PNPLA3: variants seen among roughly 807,000 people sequenced by gnomAD.
PNPLA3 encodes the protein patatin like domain 3, 1-acylglycerol-3-phosphate O-acyltransferase.
Under a neutral mutation model 43.1 loss-of-function variants are expected in PNPLA3, and 42 were observed. The ratio of observed to expected loss-of-function variants is 0.97; its 90% CI spans 0.76 to 1.26. The LOEUF (loss-of-function observed/expected upper bound fraction) is 1.26. Ranked by LOEUF, PNPLA3 falls within the 50% of genes most tolerant of loss-of-function variation. PNPLA3 has a pLI of 0.00. For missense variants in PNPLA3, 647 were observed against 621.4 expected, an observed-to-expected ratio of 1.04 and a Z score of -0.44; for synonymous variants, 272 against 253.6, an observed-to-expected ratio of 1.07 and a Z score of -0.69.
intron 1 of PNPLA3, 106 bp downstream of exon 1, chr22:43,924,204 G>A: frequency 1.6e-6 from 2 of 1,260,366 alleles, no homozygotes; most frequent in South Asian, 1.8e-5. Flanking sequence ...AGCGGGCATC[G>A]GACGCGGACA....
chr22:43,924,790 G>A (rs2049910961), intron 1 of PNPLA3, among the ~76,000 whole-genome samples: 1 of 152,078 alleles, frequency 6.6e-6, no homozygotes, highest in African/African-American at 2.4e-5. Flanking sequence ...TGGGACTACA[G>A]GCGCCAGCCA....
chr22:43,934,777 C>A, intron 5 of PNPLA3, 111 bp downstream of exon 5: 1 of 983,636 alleles, frequency 1.0e-6, no homozygotes, highest in Non-Finnish European at 1.6e-6. Context: ...CCAACGCCTT[C>A]CTTGTGTTGC....
In PNPLA3 at chr22:43,923,978, G is replaced by C; in HGVS notation, c.67G>C (p.Val23Leu). ...AGCGFLGFYH[V>L]GATRCLSEHA... The stretch of plus-strand genomic sequence containing the variant: ...CTGCGGCTTCCTGGGCTTCTACCAC[G>C]TCGGGGCGACCCGCTGCCTGAGCGA... Residue 23 changes from valine to leucine, a missense_variant, in exon 1 of 9, where the codon GTC becomes CTC. Coordinates refer to ENST00000216180, the MANE Select transcript of PNPLA3 (RefSeq NM_025225.3). The C allele has an allele frequency of 1.3e-6, 2 of 1,585,120 alleles. No homozygotes were observed. The highest frequency in any genetic ancestry group is 1.7e-6 in the Non-Finnish European group (2 of 1,174,192).
rs769830028 is a variant in PNPLA3 at position 43,940,169 on chromosome 22, A to G, written c.1112+44A>G. On this transcript the variant is annotated intron_variant, in intron 7 of 8. Transcript: ENST00000216180. ...TCCGTGTCTTCCTCACAGGGTTGAT[A>G]TGAGGATGAAACAAGATGATAGATC... The G allele has an allele frequency of 7.6e-6, 12 of 1,581,026 alleles. No homozygotes were observed. In the East Asian group the frequency reaches 1.1e-4, roughly 15 times the overall value.
At chr22:43,936,003 T>G (rs577034337) in intron 5 of PNPLA3, among the ~76,000 whole-genome samples, 5 of 151,988 alleles carry the variant, frequency 3.3e-5, no homozygotes, top group Middle Eastern at 3.4e-3. Context: ...TCCAGGGGAA[T>G]AGGACTTGGA....
intron 2 of PNPLA3, 124 bp downstream of exon 2, chr22:43,927,291 G>A: frequency 1.3e-6 from 1 of 766,538 alleles, no homozygotes; most frequent in Non-Finnish European, 2.2e-6. Context: ...TTGAGCCCAG[G>A]AGCTCGAGAC....
chr22:43,941,337 TG>T (rs1418494688), intron 7 of PNPLA3, among the ~76,000 whole-genome samples: 1 of 17,472 alleles, frequency 5.7e-5, no homozygotes, highest in Non-Finnish European at 1.1e-4. Context: ...CCTCTGAAAG[TG>T]GGGGGGATGG....
At chr22:43,934,248 T>C (rs1977081) in intron 4 of PNPLA3, among the ~76,000 whole-genome samples, 29,230 of 141,920 alleles carry the variant, frequency 0.21, 3,382 homozygotes, top group East Asian at 0.41. Flanking sequence ...ACCTCGGAAG[T>C]GGAGGTGGCC....
rs757677054 is a variant in PNPLA3 at position 43,927,207 on chromosome 22, A to C, written c.420+40A>C. ...TATCTGGACGTTGTCAAGTTAGAAAAGCTGTTTTGGGATGGGTGTGGTGGC... is the reference window on the plus strand; with the variant it reads ...TATCTGGACGTTGTCAAGTTAGAAACGCTGTTTTGGGATGGGTGTGGTGGC... On this transcript the variant is annotated intron_variant, in intron 2 of 8. Transcript: ENST00000216180. 3 of 1,589,386 alleles carry C rather than the reference A, an allele frequency of 1.9e-6. No homozygotes were observed. The South Asian group carries it at 3.4e-5, about 18-fold the overall frequency.
rs1454635391 is a variant in PNPLA3 at position 43,924,044 on chromosome 22, G to A, written c.133G>A (p.Gly45Ser). ...HLLRDARMLF[G>S]ASAGALHCVG... ...CCTCCGCGACGCGCGCATGTTGTTCGGCGCTTCGGCCGGGGCGTTGCACTG... is the reference window on the plus strand; with the variant it reads ...CCTCCGCGACGCGCGCATGTTGTTCAGCGCTTCGGCCGGGGCGTTGCACTG... The change falls in exon 1 of 9, where the codon GGC (glycine) becomes AGC (serine). Residue 45 changes from glycine to serine, a missense_variant. Physicochemically the swap from Gly to Ser is moderately conservative, Grantham distance 56. Coordinates refer to ENST00000216180, the MANE Select transcript of PNPLA3 (RefSeq NM_025225.3). The A allele has an allele frequency of 6.3e-7, 1 of 1,580,340 alleles. No individual in the cohort carries two copies. Among genetic ancestry groups the A allele is most frequent in the Non-Finnish European group, 8.5e-7 (1 of 1,172,316 alleles).
chr22:43,939,364 T>C, intron 6 of PNPLA3: 4 of 976,352 alleles, frequency 4.1e-6, no homozygotes, highest in Non-Finnish European at 4.9e-6. Flanking sequence ...ACATGTCTTT[T>C]CAAGGAAAAT....
Position 43,944,943 on chromosome 22 carries a change from G to T in PNPLA3, c.1217+148G>T. On this transcript the variant is annotated intron_variant, in intron 8 of 8. Transcript: ENST00000216180. Reference sequence around the variant, plus strand: ...GGACCCTGTCTCATGGGAGGCAGCTGAGTCAGTCAGAGGTCCTGGCACACC... The same window carrying T: ...GGACCCTGTCTCATGGGAGGCAGCTTAGTCAGTCAGAGGTCCTGGCACACC... 1.0e-5 allele frequency: 7 copies of T among 687,988 alleles called. No individual in the cohort carries two copies. The South Asian group carries it at 1.2e-4, about 12-fold the overall frequency. The allele number at this position is 687,988 out of a possible 1,614,324, so 42.6% of individuals were successfully genotyped here. A position where few individuals can be genotyped will look rare whatever the true frequency, so the allele number is the denominator to read the frequency against.
intron 4 of PNPLA3, among the ~76,000 whole-genome samples, chr22:43,933,906 C>T (rs1054364359): frequency 1.3e-5 from 2 of 152,104 alleles, no homozygotes; most frequent in Non-Finnish European, 2.9e-5. Context: ...TTGGTTTTCC[C>T]GTGTGCTTTA....
intron 5 of PNPLA3, among the ~76,000 whole-genome samples, chr22:43,935,101 A>G (rs1383120168): frequency 1.3e-5 from 2 of 152,194 alleles, no homozygotes; most frequent in African/African-American, 4.8e-5. Context: ...GTCCAAGCCC[A>G]CTAGACAAGT....
chr22:43,946,419 A>G lies in PNPLA3; in HGVS notation c.*37A>G. 1.3e-6 allele frequency: 2 copies of G among 1,587,090 alleles called. No individual in the cohort carries two copies. Among genetic ancestry groups the G allele is most frequent in the Non-Finnish European group, 1.7e-6 (2 of 1,155,734 alleles). ...AGGCGAGTCTAGCAGATTCTTTCAG[A>G]GGTGCTAAAGTTTCCCATCTTTGTG... On this transcript the variant is annotated 3_prime_UTR_variant, in exon 9 of 9. Transcript: ENST00000216180.
rs554000765 is a variant in PNPLA3 at position 43,946,728 on chromosome 22, G to A, written c.*346G>A. On this transcript the variant is annotated 3_prime_UTR_variant, in exon 9 of 9. Coordinates refer to ENST00000216180, the MANE Select transcript of PNPLA3 (RefSeq NM_025225.3). ...ATGACAGGTGTTTGGATGGGTGGGG[G>A]CCTTGTGATGGGGGGTAGGCTGGCC... 1.1e-5 allele frequency: 6 copies of A among 539,228 alleles called. No individual in the cohort carries two copies. Among genetic ancestry groups the A allele is most frequent in the Middle Eastern group, 3.1e-4 (1 of 3,246 alleles). The allele number at this position is 539,228 out of a possible 1,614,324, so 33.4% of individuals were successfully genotyped here.
At chr22:43,941,327 C>T (rs2050029787) in intron 7 of PNPLA3, among the ~76,000 whole-genome samples, 1 of 149,616 alleles carries the variant, frequency 6.7e-6, no homozygotes, top group South Asian at 2.2e-4. Flanking sequence ...GATTGGGCTT[C>T]CTCTGAAAGT....
At position 43,932,989 on chromosome 22, in the gene PNPLA3, A is replaced by G. The variant is rs1456235776; in HGVS notation, c.598A>G (p.Thr200Ala). ...CGACATCTGCCCTAAAGTCAAGTCC[A>G]CGAACTTTCTTCATGTGGACATCAC... ...EYDICPKVKSTNFLHVDITKL... is the reference protein window; with the variant it reads ...EYDICPKVKSANFLHVDITKL... Residue 200 changes from threonine (T) to alanine (A), a missense_variant, in exon 4 of 9, where the codon ACG becomes GCG. Physicochemically the swap from Thr to Ala is moderately conservative, Grantham distance 58. Transcript: ENST00000216180. 7 of 1,614,032 alleles carry G rather than the reference A, an allele frequency of 4.3e-6. No homozygotes were observed. In the Admixed American group the frequency reaches 6.7e-5, roughly 15 times the overall value.
intron 5 of PNPLA3, 21 bp downstream of exon 5, chr22:43,934,687 T>C: frequency 6.3e-7 from 1 of 1,595,656 alleles, no homozygotes; most frequent in Non-Finnish European, 8.6e-7. Context: ...GCTGGGAGGA[T>C]CAGCCATGCC....
Sources: allele counts gnomAD v4.1 joint callset (sites outside exome capture counted in the v4.1 genomes callset), GRCh38; gene constraint gnomAD v4.1.1; transcripts MANE v1.5; gene names NCBI Gene and HGNC (gene_info 2026-07-23, HGNC 2026-07-21).